The following COL23A1 variants were observed in gnomAD, a reference collection of about 807,000 sequenced individuals.
COL23A1 encodes collagen type XXIII alpha 1 chain.
COL23A1 carries 97 observed loss-of-function variants against 99.3 expected under a neutral mutation model. The observed-to-expected ratio is 0.98, with a 90% CI of 0.83 to 1.16. COL23A1 has a LOEUF of 1.16. Ranked by LOEUF, COL23A1 falls within the 50% of genes most tolerant of loss-of-function variation. The pLI, the probability that COL23A1 is intolerant of heterozygous loss-of-function variation, is 0.00. For synonymous variants in COL23A1, 320 were observed against 308.2 expected (o/e 1.04, Z -0.40); for missense variants, 762 against 757.4 (o/e 1.01, Z -0.07).
In COL23A1 at chr5:178,576,017, G is replaced by T. The variant is rs369907853; in HGVS notation, c.294+13887C>A. Among the ~76,000 whole-genome samples the T allele has an allele frequency of 9.8e-5, 15 of 152,314 alleles. No individual in the cohort carries two copies. The East Asian group carries it at 1.5e-3, about 16-fold the overall frequency. On this transcript the variant is annotated intron_variant, in intron 1 of 28. Transcript: ENST00000390654. ...TCAAATTGGCCTGGACAGTGATGTC[G>T]AGAGGGGCTCGGTCACGAAGCCGCA...
chr5:178,247,610 T>C, intron 21 of COL23A1, 58 bp from the exon 22 acceptor site: 1 of 1,608,546 alleles, frequency 6.2e-7, no homozygotes, highest in South Asian at 1.1e-5. Flanking sequence ...CAGTGGCCAC[T>C]CACTGGCCCC....
At chr5:178,587,428 T>A (rs1399272238) in intron 1 of COL23A1, among the ~76,000 whole-genome samples, 1 of 152,186 alleles carries the variant, frequency 6.6e-6, no homozygotes, top group Non-Finnish European at 1.5e-5. Flanking sequence ...AGAGAGTGGG[T>A]CCCATATTCA....
chr5:178,570,308 C>A (rs1763028924), intron 1 of COL23A1, among the ~76,000 whole-genome samples: 2 of 151,988 alleles, frequency 1.3e-5, no homozygotes, highest in Non-Finnish European at 2.9e-5. Flanking sequence ...TGGGTTTCAT[C>A]ATGTTGCCCA....
chr5:178,280,687 C>G lies in COL23A1; in HGVS notation c.441+7637G>C, dbSNP rs371287455. Among the ~76,000 whole-genome samples, 889 of 152,220 alleles carry G rather than the reference C, an allele frequency of 5.8e-3. 11 individuals are homozygous for G. Among genetic ancestry groups the G allele is most frequent in the African/African-American group, 0.02 (850 of 41,526 alleles). On this transcript the variant is annotated intron_variant, in intron 5 of 28. Coordinates refer to ENST00000390654, the MANE Select transcript of COL23A1 (RefSeq NM_173465.4). This position sits in a 1 kb window ranked among gnomAD's most constrained non-coding sequence, Gnocchi z 4.9. ...TTGCCTGGGGAAGTGGGAGGCGGTT[C>G]CAGCCAGTGACCACGCTGCAAACAT...
At chr5:178,390,442 C>T (rs987162013) in intron 2 of COL23A1, among the ~76,000 whole-genome samples, 2 of 152,176 alleles carry the variant, frequency 1.3e-5, no homozygotes, top group South Asian at 4.1e-4. Context: ...CTGACCAAGC[C>T]CCTCTAACCA....
chr5:178,268,211 T>G (rs1756019942), intron 7 of COL23A1, among the ~76,000 whole-genome samples: 1 of 152,170 alleles, frequency 6.6e-6, no homozygotes, highest in Non-Finnish European at 1.5e-5. Context: ...CTCTGGTCCC[T>G]CCCCTGATTT....
intron 2 of COL23A1, among the ~76,000 whole-genome samples, chr5:178,440,164 A>G (rs1766783971): frequency 6.6e-6 from 1 of 152,164 alleles, no homozygotes; most frequent in Non-Finnish European, 1.5e-5. Flanking sequence ...GGTATATTTC[A>G]AATAAAGCTG....
At chr5:178,539,966 C>T (rs771769864) in intron 2 of COL23A1, among the ~76,000 whole-genome samples, 19 of 152,150 alleles carry the variant, frequency 1.2e-4, no homozygotes, top group Non-Finnish European at 2.2e-4. Context: ...TCCTAAAAAT[C>T]AATTAATATA....
intron 2 of COL23A1, among the ~76,000 whole-genome samples, chr5:178,557,048 T>C (rs1050761617): frequency 6.6e-6 from 1 of 152,228 alleles, no homozygotes; most frequent in Admixed American, 6.5e-5. Context: ...CTCCCAGTTC[T>C]AGGGGCAAGA....
intron 2 of COL23A1, among the ~76,000 whole-genome samples, chr5:178,389,511 G>C (rs1296462466): frequency 1.3e-5 from 2 of 152,170 alleles, no homozygotes; most frequent in Admixed American, 1.3e-4. Context: ...TGTCCACTGG[G>C]GAGCTGCACA....
At chr5:178,398,447 C>A (rs1764267254) in intron 2 of COL23A1, among the ~76,000 whole-genome samples, 1 of 151,980 alleles carries the variant, frequency 6.6e-6, no homozygotes, top group Non-Finnish European at 1.5e-5. Context: ...GGCAACATGG[C>A]AAAAACCCAT....
chr5:178,358,065 ATTGTG>A (rs1761839231), intron 2 of COL23A1, among the ~76,000 whole-genome samples: 2 of 121,140 alleles, frequency 1.7e-5, no homozygotes, highest in African/African-American at 3.2e-5. Context: ...ATGTATGTGT[ATTGTG>A]TGTATGTGTA....
intron 2 of COL23A1, among the ~76,000 whole-genome samples, chr5:178,403,566 T>C (rs1764587658): frequency 6.6e-6 from 1 of 152,184 alleles, no homozygotes; most frequent in Non-Finnish European, 1.5e-5. Flanking sequence ...GCCTCCACCA[T>C]ATGCCAGGGC....
At chr5:178,446,267 T>A (rs965656437) in intron 2 of COL23A1, among the ~76,000 whole-genome samples, 2 of 151,988 alleles carry the variant, frequency 1.3e-5, no homozygotes, top group South Asian at 4.2e-4. Context: ...TGAAAAATAT[T>A]TAATATCCTA....
intron 2 of COL23A1, among the ~76,000 whole-genome samples, chr5:178,322,332 G>A (rs1012371148): frequency 5.3e-5 from 8 of 152,064 alleles, no homozygotes; most frequent in African/African-American, 9.7e-5. Flanking sequence ...ACGGGGTTTC[G>A]CCATGTTGGT....
At chr5:178,402,563 A>C (rs1202260058) in intron 2 of COL23A1, among the ~76,000 whole-genome samples, 1 of 152,180 alleles carries the variant, frequency 6.6e-6, no homozygotes, top group African/African-American at 2.4e-5. Context: ...AGAATTATTT[A>C]AATGTTTCTA....
intron 2 of COL23A1, among the ~76,000 whole-genome samples, chr5:178,343,223 C>G (rs114474858): frequency 6.6e-6 from 1 of 152,092 alleles, no homozygotes; most frequent in South Asian, 2.1e-4. Context: ...GATCAGATTC[C>G]GAAGCGAAGA....
At chr5:178,576,173 T>C (rs1358951119) in intron 1 of COL23A1, among the ~76,000 whole-genome samples, 14 of 152,160 alleles carry the variant, frequency 9.2e-5, no homozygotes, top group Non-Finnish European at 1.9e-4. Context: ...CAAAGTTCAG[T>C]TCCCTAAAGC....
chr5:178,250,701 G>C (rs1056656812), intron 17 of COL23A1, among the ~76,000 whole-genome samples: 3 of 137,524 alleles, frequency 2.2e-5, no homozygotes, highest in African/African-American at 4.9e-5. Context: ...AATATGTTTT[G>C]GCTGGGCATG....
Sources: allele counts gnomAD v4.1 joint callset (sites outside exome capture counted in the v4.1 genomes callset), GRCh38; gene constraint gnomAD v4.1.1; non-coding constraint Gnocchi (gnomAD v3.1); transcripts MANE v1.5; gene names NCBI Gene and HGNC (gene_info 2026-07-23, HGNC 2026-07-21).